Variants in DENND2A observed in about 807,000 individuals in gnomAD.
The protein encoded by DENND2A is DENN domain containing 2A, also known as DENN domain-containing protein 2A.
A neutral mutation model predicts 105.3 loss-of-function variants in DENND2A; 53 were observed. The observed-to-expected ratio is 0.50, with a 90% CI of 0.40 to 0.63. DENND2A has a LOEUF of 0.63. DENND2A is among the 30% of genes least tolerant of loss of function. The probability of loss-of-function intolerance (pLI) is 0.00; values close to 1 mark genes in which losing one functional copy is unlikely to be tolerated. For missense variants in DENND2A, 1,138 were observed against 1,279.6 expected (o/e 0.89, Z 1.69); for synonymous variants, 522 against 508.4 (o/e 1.03, Z -0.36).
At chr7:140,560,213 G>T (rs779202773) in intron 9 of DENND2A, among the ~76,000 whole-genome samples, 14 of 152,228 alleles carry the variant, frequency 9.2e-5, no homozygotes, top group Admixed American at 5.9e-4. Flanking sequence ...CGAACTCCAG[G>T]CAAAGACTGT....
At chr7:140,569,332 T>C (rs1797995177) in intron 7 of DENND2A, among the ~76,000 whole-genome samples, 1 of 152,198 alleles carries the variant, frequency 6.6e-6, no homozygotes, top group South Asian at 2.1e-4. Flanking sequence ...GGTACCTATA[T>C]CAGATAATAC....
intron 10 of DENND2A, among the ~76,000 whole-genome samples, chr7:140,558,506 G>A (rs1471667245): frequency 1.3e-5 from 2 of 152,014 alleles, no homozygotes; most frequent in Admixed American, 6.6e-5. Flanking sequence ...GACCCGCCTG[G>A]CCAATAGGGT....
At chr7:140,568,659 A>C in intron 8 of DENND2A, 104 bp downstream of exon 8, 2 of 1,237,674 alleles carry the variant, frequency 1.6e-6, no homozygotes, top group African/African-American at 3.0e-5. Flanking sequence ...CTTGCCAAGC[A>C]AGCTCCGGCA....
At position 140,536,975 on chromosome 7, in the gene DENND2A, T is replaced by C. The variant is rs532943828; in HGVS notation, c.2327+7643A>G. Among the ~76,000 whole-genome samples, 6 of 152,306 alleles carry C rather than the reference T, an allele frequency of 3.9e-5. No individual in the cohort carries two copies. The East Asian group carries it at 1.2e-3, about 29-fold the overall frequency. On this transcript the variant is annotated intron_variant, in intron 14 of 19. Coordinates refer to ENST00000496613, the MANE Select transcript of DENND2A (RefSeq NM_015689.5). Reference sequence around the variant, plus strand: ...ACTGCACCTGCCTAAAATTGTGTTTTTCATAGGACTTTGCTGAACTAAATG... The same window carrying C: ...ACTGCACCTGCCTAAAATTGTGTTTCTCATAGGACTTTGCTGAACTAAATG...
chr7:140,530,382 G>A (rs979756259), intron 14 of DENND2A, among the ~76,000 whole-genome samples: 1 of 152,084 alleles, frequency 6.6e-6, no homozygotes, highest in Non-Finnish European at 1.5e-5. Flanking sequence ...ATTGAATCTT[G>A]TTCATTTATC....
chr7:140,637,899 C>T (rs1801012883), intron 1 of DENND2A, among the ~76,000 whole-genome samples: 1 of 152,116 alleles, frequency 6.6e-6, no homozygotes, highest in South Asian at 2.1e-4. Flanking sequence ...GTCAGCTCTT[C>T]CTGCACTTAA....
At chr7:140,535,950 A>C (rs1796440909) in intron 14 of DENND2A, among the ~76,000 whole-genome samples, 1 of 152,202 alleles carries the variant, frequency 6.6e-6, no homozygotes, top group South Asian at 2.1e-4. Context: ...AGCTGGAAAC[A>C]GGAGCTTTTG....
At chr7:140,617,576 T>C (rs1800130605) in intron 1 of DENND2A, among the ~76,000 whole-genome samples, 1 of 151,924 alleles carries the variant, frequency 6.6e-6, no homozygotes, top group Non-Finnish European at 1.5e-5. Context: ...TATCTGGGTG[T>C]CGTCGTGGGC....
At chr7:140,568,077 AT>A (rs767485541) in intron 8 of DENND2A, among the ~76,000 whole-genome samples, 3 of 152,090 alleles carry the variant, frequency 2.0e-5, no homozygotes, top group Non-Finnish European at 4.4e-5. Flanking sequence ...AGTATCTGGG[AT>A]TACAGGCGCC....
intron 1 of DENND2A, among the ~76,000 whole-genome samples, chr7:140,626,850 G>A (rs1009632389): frequency 9.9e-5 from 15 of 152,264 alleles, no homozygotes; most frequent in Non-Finnish European, 1.6e-4. Flanking sequence ...AGCTGCTCCC[G>A]GGTTCTGAGA....
chr7:140,537,804 T>C (rs1439679731), intron 14 of DENND2A, among the ~76,000 whole-genome samples: 3 of 152,118 alleles, frequency 2.0e-5, no homozygotes, highest in African/African-American at 7.2e-5. Context: ...ATGCCCGACC[T>C]CCCTCTAAAA....
chr7:140,618,892 G>A (rs548639865), intron 1 of DENND2A, among the ~76,000 whole-genome samples: 1 of 151,932 alleles, frequency 6.6e-6, no homozygotes, highest in African/African-American at 2.4e-5. Context: ...TCTGCCTCCC[G>A]GGTTCACGCC....
At chr7:140,632,321 C>A (rs1406655487) in intron 1 of DENND2A, among the ~76,000 whole-genome samples, 1 of 152,102 alleles carries the variant, frequency 6.6e-6, no homozygotes, top group Non-Finnish European at 1.5e-5. Flanking sequence ...TTGGACTACC[C>A]ACCTGGCTTC....
chr7:140,522,107 A>T lies in DENND2A; in HGVS notation c.2666-7T>A. 1 of 1,613,756 alleles carries T rather than the reference A, an allele frequency of 6.2e-7. No homozygotes were observed. Among genetic ancestry groups the T allele is most frequent in the Non-Finnish European group, 8.5e-7 (1 of 1,179,756 alleles). On this transcript the variant is annotated splice_polypyrimidine_tract_variant and splice_region_variant and intron_variant, in intron 17 of 19. Coordinates refer to ENST00000496613, the MANE Select transcript of DENND2A (RefSeq NM_015689.5). ...AAGGGGCTGGACTCTGGACCTGAGTAAGGGGAGGAAAGGCCAGGAACGGTG... is the reference window on the plus strand; with the variant it reads ...AAGGGGCTGGACTCTGGACCTGAGTTAGGGGAGGAAAGGCCAGGAACGGTG...
At chr7:140,624,594 T>C (rs1800437102) in intron 1 of DENND2A, among the ~76,000 whole-genome samples, 2 of 152,094 alleles carry the variant, frequency 1.3e-5, no homozygotes, top group Admixed American at 1.3e-4. Flanking sequence ...ATTCACCTCC[T>C]CACCCTCCTT....
Position 140,518,758 on chromosome 7 carries a change from G to T in DENND2A, c.2999-20C>A. 1 of 1,611,546 alleles carries T rather than the reference G, an allele frequency of 6.2e-7. No individual in the cohort carries two copies. Among genetic ancestry groups the T allele is most frequent in the South Asian group, 1.1e-5 (1 of 90,994 alleles). On this transcript the variant is annotated intron_variant, in intron 19 of 19. Transcript: ENST00000496613. ...TATTGCCTAAAAAAAAGGAAAATGAGAACATTTCACAAGGCAGACAAAGGA... is the reference window on the plus strand; with the variant it reads ...TATTGCCTAAAAAAAAGGAAAATGATAACATTTCACAAGGCAGACAAAGGA...
chr7:140,524,564 T>C (rs76564869), intron 16 of DENND2A, among the ~76,000 whole-genome samples: 22 of 152,170 alleles, frequency 1.4e-4, no homozygotes, highest in Middle Eastern at 3.4e-3. Flanking sequence ...ATATTTTTTT[T>C]CCTGTCTCTT....
chr7:140,627,937 G>A (rs952017577), intron 1 of DENND2A, among the ~76,000 whole-genome samples: 16 of 151,674 alleles, frequency 1.1e-4, no homozygotes, highest in Admixed American at 2.0e-4. Context: ...AACTACAGGC[G>A]TGTACCACCA....
intron 1 of DENND2A, among the ~76,000 whole-genome samples, chr7:140,638,227 T>C (rs1318433496): frequency 2.0e-5 from 3 of 152,246 alleles, no homozygotes; most frequent in Admixed American, 2.0e-4. Context: ...CAGTGTATTT[T>C]TGTTTGTCCC....
Sources: gnomAD v4.1 joint callset for allele counts (sites outside exome capture counted in the v4.1 genomes callset) on GRCh38, gnomAD v4.1.1 for gene constraint, MANE v1.5 for transcripts, NCBI Gene and HGNC (gene_info 2026-07-23, HGNC 2026-07-21) for gene names.